SH3GLB2: variants seen among roughly 807,000 people sequenced by gnomAD.
The protein encoded by SH3GLB2 is SH3 domain containing GRB2 like, endophilin B2.
A neutral mutation model predicts 48.0 loss-of-function variants in SH3GLB2; 24 were observed. The observed-to-expected ratio is 0.50, with a 90% CI of 0.36 to 0.70. The LOEUF (loss-of-function observed/expected upper bound fraction) is 0.70. Among genes scored for constraint, SH3GLB2 ranks in the 30% least tolerant of loss-of-function variants. The pLI, the probability that SH3GLB2 is intolerant of heterozygous loss-of-function variation, is 0.00. For synonymous variants in SH3GLB2, 227 were observed against 207.6 expected (o/e 1.09, Z -0.80); for missense variants, 425 against 516.0 (o/e 0.82, Z 1.71).
chr9:129,012,854 C>A, intron 5 of SH3GLB2: 1 of 898,598 alleles, frequency 1.1e-6, no homozygotes, highest in Non-Finnish European at 1.7e-6. Flanking sequence ...TGGCATCCCC[C>A]CCTAAACCAG....
chr9:129,018,412 C>T (rs1843572477), intron 3 of SH3GLB2, among the ~76,000 whole-genome samples: 2 of 150,478 alleles, frequency 1.3e-5, no homozygotes, highest in Admixed American at 1.3e-4. Flanking sequence ...CCCGTCTCTA[C>T]TAAAAACACA....
intron 5 of SH3GLB2, chr9:129,012,815 CA>C: frequency 1.6e-6 from 1 of 627,302 alleles, no homozygotes. Context: ...CCAACATTTG[CA>C]AAAAGCTGAC....
chr9:129,021,301 C>A, intron 2 of SH3GLB2, 82 bp from the exon 3 acceptor site: 1 of 1,464,826 alleles, frequency 6.8e-7, no homozygotes, highest in East Asian at 2.4e-5. Context: ...AGACCCGGCC[C>A]TGCCCACAGG....
At chr9:129,018,283 GTTAAA>G (rs970242719) in intron 3 of SH3GLB2, among the ~76,000 whole-genome samples, 1 of 152,184 alleles carries the variant, frequency 6.6e-6, no homozygotes, top group African/African-American at 2.4e-5. Flanking sequence ...TTCTTAAAAA[GTTAAA>G]TTAAATTGGC....
At chr9:129,024,788 G>C (rs1357967664) in intron 1 of SH3GLB2, among the ~76,000 whole-genome samples, 1 of 151,262 alleles carries the variant, frequency 6.6e-6, no homozygotes, top group Non-Finnish European at 1.5e-5. Context: ...GGCTAACACG[G>C]TGAAACCCCA....
chr9:129,014,655 C>T lies in SH3GLB2; in HGVS notation c.468+116G>A, dbSNP rs1843319701. On this transcript the variant is annotated intron_variant, in intron 4 of 10. Coordinates refer to ENST00000372564, the MANE Select transcript of SH3GLB2 (RefSeq NM_020145.4). This position sits in a 1 kb window ranked among gnomAD's most constrained non-coding sequence, Gnocchi z 4.1. ...GTCACTCAGTCCAAAGGAGCCCTCT[C>T]TGGGGAGGCCTCAGGAGTTTTGTAG... The T allele has an allele frequency of 6.6e-7, 1 of 1,520,540 alleles. No homozygotes were observed. The highest frequency in any genetic ancestry group is 8.9e-7 in the Non-Finnish European group (1 of 1,118,456). 94.2% of individuals were successfully genotyped at this position (1,520,540 alleles called of 1,614,324 possible).
At chr9:129,015,022 T>A (rs950686880) in intron 3 of SH3GLB2, 118 bp from the exon 4 acceptor site, 29 of 1,364,604 alleles carry the variant, frequency 2.1e-5, no homozygotes, top group Non-Finnish European at 2.6e-5. Context: ...CAGTGCAGAA[T>A]GCTTTGCCTG....
chr9:129,014,217 C>T lies in SH3GLB2; in HGVS notation c.561+194G>A, dbSNP rs1379601152. On this transcript the variant is annotated intron_variant, in intron 5 of 10. Transcript: ENST00000372564. The surrounding 1 kb of genome is among the most constrained non-coding windows in gnomAD (Gnocchi z 4.1). Reference sequence around the variant, plus strand: ...CACACCGTAGATATCTCCCTGGGAACCAGAGCTCGGGGGCCACCAAGGCTC... The same window carrying T: ...CACACCGTAGATATCTCCCTGGGAATCAGAGCTCGGGGGCCACCAAGGCTC... Among the ~76,000 whole-genome samples, 1 of 152,084 alleles carries T rather than the reference C, an allele frequency of 6.6e-6. No homozygotes were observed. The highest frequency in any genetic ancestry group is 1.5e-5 in the Non-Finnish European group (1 of 68,002).
Position 129,028,101 on chromosome 9 carries a change from C to T in SH3GLB2, c.54G>A (p.Arg18=), listed in dbSNP as rs1844271337. 2 of 1,501,390 alleles carry T rather than the reference C, an allele frequency of 1.3e-6. No individual in the cohort carries two copies. Among genetic ancestry groups the T allele is most frequent in the Non-Finnish European group, 8.9e-7 (1 of 1,128,246 alleles). The allele number at this position is 1,501,390 out of a possible 1,614,324, so 93.0% of individuals were successfully genotyped here. ...CGACGCCAGGCCTCACCTGCACCGCCCGGGTGAAGAAGATGCCCGCGTCCG... is the reference window on the plus strand; with the variant it reads ...CGACGCCAGGCCTCACCTGCACCGCTCGGGTGAAGAAGATGCCCGCGTCCG... ...LASDAGIFFT[R]AVQFTEEKFG... is the part of the protein sequence containing the mutation. Residue 18 remains arginine, a synonymous_variant, in exon 1 of 11, where the codon CGG becomes CGA. Coordinates refer to ENST00000372564, the MANE Select transcript of SH3GLB2 (RefSeq NM_020145.4).
Position 129,022,428 on chromosome 9 carries a change from G to T in SH3GLB2, c.64-5C>A. 1 of 1,612,338 alleles carries T rather than the reference G, an allele frequency of 6.2e-7. No homozygotes were observed. The highest frequency in any genetic ancestry group is 8.5e-7 in the Non-Finnish European group (1 of 1,179,422). On this transcript the variant is annotated splice_polypyrimidine_tract_variant and splice_region_variant and intron_variant, in intron 1 of 10. Transcript: ENST00000372564. ...GCCAAATTTCTCCTCCGTGAACTACGCAGAGGGGAAGGCCAAGGGGTGGGG... is the reference window on the plus strand; with the variant it reads ...GCCAAATTTCTCCTCCGTGAACTACTCAGAGGGGAAGGCCAAGGGGTGGGG...
chr9:129,008,882 T>A (rs1842917493), intron 10 of SH3GLB2, 91 bp from the exon 11 acceptor site: 2 of 1,334,054 alleles, frequency 1.5e-6, no homozygotes, highest in Admixed American at 3.8e-5. Flanking sequence ...CACCTCCCCA[T>A]GGCCCGTGGC....
At chr9:129,018,093 AAAT>A (rs913070080) in intron 3 of SH3GLB2, among the ~76,000 whole-genome samples, 4 of 152,008 alleles carry the variant, frequency 2.6e-5, no homozygotes, top group Admixed American at 2.0e-4. Context: ...CTCCATCTCA[AAAT>A]AATAATAATA....
chr9:129,028,287 C>CGCCTGCCG lies in SH3GLB2; in HGVS notation c.-134_-133insCGGCAGGC, dbSNP rs1470971883. 40 of 486,832 alleles carry CGCCTGCCG rather than the reference C, an allele frequency of 8.2e-5. No homozygotes were observed. In the East Asian group the frequency reaches 1.5e-3, roughly 19 times the overall value. The allele number at this position is 486,832 out of a possible 1,614,324, so 30.2% of individuals were successfully genotyped here. A position where few individuals can be genotyped will look rare whatever the true frequency, so the allele number is the denominator to read the frequency against. ...CCGCGCACCCGCCTGCCGGCCTGCC[C>CGCCTGCCG]GCCTGCCCGCCCGCCGCAGCCGCCG... On this transcript the variant is annotated 5_prime_UTR_variant, in exon 1 of 11. Transcript: ENST00000372564.
intron 1 of SH3GLB2, among the ~76,000 whole-genome samples, chr9:129,025,242 C>A (rs1356071120): frequency 7.9e-6 from 1 of 127,070 alleles, no homozygotes. Context: ...CGCCAGCCTG[C>A]GTGACAGAGT....
intron 1 of SH3GLB2, among the ~76,000 whole-genome samples, chr9:129,023,967 C>T (rs1843978393): frequency 6.6e-6 from 1 of 152,192 alleles, no homozygotes; most frequent in Admixed American, 6.5e-5. Context: ...ACCCCATTTC[C>T]CAAATGAGGA....
At position 129,009,187 on chromosome 9, in the gene SH3GLB2, A is replaced by G. The variant is rs1842937958; in HGVS notation, c.999T>C (p.Pro333=). The change falls in exon 10 of 11, where the codon CCT becomes CCC. Residue 333 remains proline (P), a synonymous_variant. Coordinates refer to ENST00000372564, the MANE Select transcript of SH3GLB2 (RefSeq NM_020145.4). ...CCCGAGCTTTGCGGGTCCCACTGGC[A>G]GGGGGGGCCACCTCTTCCAGGCAGA... The part of the protein sequence containing the change: ...ASLCLEEVAP[P]ASGTRKARVL... 6.2e-7 allele frequency: 1 copy of G among 1,610,992 alleles called. No homozygotes were observed. Among genetic ancestry groups the G allele is most frequent in the Non-Finnish European group, 8.5e-7 (1 of 1,179,304 alleles).
In SH3GLB2 at chr9:129,022,976, G is replaced by C. The variant is rs560396971; in HGVS notation, c.64-553C>G. ...CCACTGTCAAGATGTGTGACTTTGG[G>C]CAAGGGGCTCTGCCTCTCTGAGCAT... On this transcript the variant is annotated intron_variant, in intron 1 of 10. Transcript: ENST00000372564. 4.7e-4 allele frequency among the ~76,000 whole-genome samples: 71 copies of C among 152,296 alleles called. 1 individual carries two copies. The highest frequency in any genetic ancestry group is 1.6e-3 in the African/African-American group (65 of 41,564).
chr9:129,014,062 G>T lies in SH3GLB2; in HGVS notation c.561+349C>A. On this transcript the variant is annotated intron_variant, in intron 5 of 10. Transcript: ENST00000372564. The surrounding 1 kb of genome is among the most constrained non-coding windows in gnomAD (Gnocchi z 4.1). ...GTTCAAGCAGCAAGTAGTAGAGTTA[G>T]TAAGAAGGTGCCATGCCCGGGCAGA... is the stretch of plus-strand genomic sequence containing the variant. The T allele has an allele frequency of 1.9e-6, 1 of 528,814 alleles. No individual in the cohort carries two copies. Among genetic ancestry groups the T allele is most frequent in the Non-Finnish European group, 3.6e-6 (1 of 274,442 alleles). 32.8% of individuals were successfully genotyped at this position (528,814 alleles called of 1,614,324 possible).
chr9:129,013,104 C>G, intron 5 of SH3GLB2: 2 of 1,504,080 alleles, frequency 1.3e-6, no homozygotes, highest in South Asian at 1.2e-5. Flanking sequence ...GCAGGCCCCC[C>G]AGGCCCCAGT....
Sources: allele counts gnomAD v4.1 joint callset (sites outside exome capture counted in the v4.1 genomes callset), GRCh38; gene constraint gnomAD v4.1.1; non-coding constraint Gnocchi (gnomAD v3.1); transcripts MANE v1.5; gene names NCBI Gene and HGNC (gene_info 2026-07-23, HGNC 2026-07-21).